The following SH3GL3 variants were observed in gnomAD, a reference collection of about 807,000 sequenced individuals.
SH3GL3 encodes the protein SH3 domain containing GRB2 like 3, endophilin A3.
A neutral mutation model predicts 47.7 loss-of-function variants in SH3GL3; 33 were observed. The ratio of observed to expected loss-of-function variants is 0.69; its 90% CI spans 0.52 to 0.92. The LOEUF is 0.92. Among genes scored for constraint, SH3GL3 ranks in the 40% least tolerant of loss-of-function variants. The pLI is 0.00. For synonymous variants in SH3GL3, 155 were observed against 148.8 expected, an observed-to-expected ratio of 1.04 and a Z score of -0.30; for missense variants, 363 against 417.8, an observed-to-expected ratio of 0.87 and a Z score of 1.14.
chr15:83,483,517 T>C (rs567639925), intron 1 of SH3GL3, among the ~76,000 whole-genome samples: 70 of 152,366 alleles, frequency 4.6e-4, no homozygotes, highest in African/African-American at 1.6e-3. Flanking sequence ...ACGGTCATCA[T>C]GAGGACGGCT....
At chr15:83,478,462 T>A (rs1336619298) in intron 1 of SH3GL3, among the ~76,000 whole-genome samples, 1 of 152,178 alleles carries the variant, frequency 6.6e-6, no homozygotes, top group African/African-American at 2.4e-5. Flanking sequence ...CAAATTGGAG[T>A]TAATACCTCA....
At chr15:83,499,804 A>G (rs1428084266) in intron 1 of SH3GL3, among the ~76,000 whole-genome samples, 2 of 152,242 alleles carry the variant, frequency 1.3e-5, no homozygotes, top group South Asian at 4.1e-4. Flanking sequence ...CTATCAGTAC[A>G]CAGGACCTTA....
intron 1 of SH3GL3, among the ~76,000 whole-genome samples, chr15:83,522,755 C>T (rs148780336): frequency 6.6e-6 from 1 of 152,304 alleles, no homozygotes; most frequent in Non-Finnish European, 1.5e-5. Context: ...TCTGAGACCA[C>T]AGAAGGGTCT....
intron 1 of SH3GL3, among the ~76,000 whole-genome samples, chr15:83,470,004 C>A (rs1431061487): frequency 6.6e-6 from 1 of 152,174 alleles, no homozygotes; most frequent in African/African-American, 2.4e-5. Context: ...GGTGCCTACA[C>A]ATTTAGGATT....
intron 1 of SH3GL3, among the ~76,000 whole-genome samples, chr15:83,520,883 C>T (rs1219321278): frequency 6.6e-6 from 1 of 152,114 alleles, no homozygotes; most frequent in Non-Finnish European, 1.5e-5. Flanking sequence ...AATCATTTCA[C>T]TATCTATATG....
At chr15:83,510,431 C>T (rs2042699216) in intron 1 of SH3GL3, among the ~76,000 whole-genome samples, 2 of 152,110 alleles carry the variant, frequency 1.3e-5, no homozygotes, top group African/African-American at 4.8e-5. Context: ...TAATGTCTAA[C>T]CTAGTGGCCT....
chr15:83,485,469 G>C (rs749754824), intron 1 of SH3GL3, among the ~76,000 whole-genome samples: 7 of 152,072 alleles, frequency 4.6e-5, no homozygotes, highest in Non-Finnish European at 8.8e-5. Context: ...GCATTGTAAA[G>C]TGTGTGAAGT....
intron 1 of SH3GL3, among the ~76,000 whole-genome samples, chr15:83,473,691 G>A (rs2040950687): frequency 6.6e-6 from 1 of 151,746 alleles, no homozygotes; most frequent in Non-Finnish European, 1.5e-5. Flanking sequence ...GGGACGACAG[G>A]CACCCGCCAC....
intron 8 of SH3GL3, chr15:83,609,550 A>G (rs1450034323): frequency 1.6e-5 from 5 of 313,962 alleles, no homozygotes; most frequent in South Asian, 1.3e-4. Flanking sequence ...TTCTCTCTCC[A>G]TCCCCTTTGC....
rs1595986041 is a variant in SH3GL3 at position 83,447,690 on chromosome 15, A to G, written c.45+112A>G. The G allele has an allele frequency of 2.7e-6, 2 of 735,370 alleles. No homozygotes were observed. Among genetic ancestry groups the G allele is most frequent in the South Asian group, 2.7e-5 (1 of 37,246 alleles). The allele number at this position is 735,370 out of a possible 1,614,324, so 45.6% of individuals were successfully genotyped here. On this transcript the variant is annotated intron_variant, in intron 1 of 8. Coordinates refer to ENST00000427482, the MANE Select transcript of SH3GL3 (RefSeq NM_003027.5). This position sits in a 1 kb window ranked among gnomAD's most constrained non-coding sequence, Gnocchi z 5.1. ...CCTGAAGGGCCTCTCTCGGGGCTCAATTTCTTCCCGCCTAGGAGGGCGCGA... is the reference window on the plus strand; with the variant it reads ...CCTGAAGGGCCTCTCTCGGGGCTCAGTTTCTTCCCGCCTAGGAGGGCGCGA...
At chr15:83,601,865 C>T (rs2060391579) in intron 8 of SH3GL3, among the ~76,000 whole-genome samples, 2 of 148,414 alleles carry the variant, frequency 1.3e-5, no homozygotes, top group African/African-American at 2.5e-5. Flanking sequence ...ATTACCATTT[C>T]AGTCTTGCTG....
intron 1 of SH3GL3, among the ~76,000 whole-genome samples, chr15:83,519,948 A>G (rs76327696): frequency 0.016 from 2,398 of 152,334 alleles, 64 homozygotes; most frequent in African/African-American, 0.055. Flanking sequence ...CTTACTTGCA[A>G]GCTAACAAGT....
At chr15:83,493,587 G>A (rs772480251) in intron 1 of SH3GL3, among the ~76,000 whole-genome samples, 3 of 152,046 alleles carry the variant, frequency 2.0e-5, no homozygotes, top group Non-Finnish European at 4.4e-5. Context: ...CATCCATCCC[G>A]TAGCCAGACT....
At chr15:83,625,892 G>A in the SH3GL3 span, among the ~76,000 whole-genome samples, 1 of 152,172 alleles carries the variant, frequency 6.6e-6, no homozygotes, top group African/African-American at 2.4e-5. Flanking sequence ...GAGTGCAGTG[G>A]CATGATCTTG....
At chr15:83,620,426 A>C (rs1449315567), downstream of SH3GL3, among the ~76,000 whole-genome samples, 1 of 152,232 alleles carries the variant, frequency 6.6e-6, no homozygotes, top group Non-Finnish European at 1.5e-5. Context: ...TTGAAAATAG[A>C]AATTACTTCT....
the SH3GL3 span, among the ~76,000 whole-genome samples, chr15:83,628,166 C>G: frequency 6.6e-6 from 1 of 152,140 alleles, no homozygotes; most frequent in East Asian, 1.9e-4. Flanking sequence ...AGCCAACTCA[C>G]AAGTCAGGTA....
At chr15:83,456,847 T>G (rs950195061) in intron 1 of SH3GL3, among the ~76,000 whole-genome samples, 16 of 152,202 alleles carry the variant, frequency 1.1e-4, no homozygotes, top group African/African-American at 3.9e-4. Context: ...AGAACCCAAA[T>G]TTTTCAAGTG....
At chr15:83,619,842 T>G (rs2060906938), downstream of SH3GL3, among the ~76,000 whole-genome samples, 2 of 152,196 alleles carry the variant, frequency 1.3e-5, no homozygotes. Flanking sequence ...GGTTGACTCT[T>G]CCTTTCACAA....
intron 1 of SH3GL3, among the ~76,000 whole-genome samples, chr15:83,554,438 G>A (rs867505324): frequency 1.7e-4 from 26 of 151,706 alleles, no homozygotes; most frequent in Admixed American, 2.6e-4. Context: ...CCACCACTTC[G>A]GCCTCCCAAA....
Sources: allele counts gnomAD v4.1 joint callset (sites outside exome capture counted in the v4.1 genomes callset), GRCh38; gene constraint gnomAD v4.1.1; non-coding constraint Gnocchi (gnomAD v3.1); transcripts MANE v1.5; gene names NCBI Gene and HGNC (gene_info 2026-07-23, HGNC 2026-07-21).